The following ZNF496 variants were observed in gnomAD, a reference collection of about 807,000 sequenced individuals.
ZNF496 encodes the protein NSD1 (nuclear receptor binding SET-domain containing 1)-interacting zinc finger protein 1.
Under a neutral mutation model 58.9 loss-of-function variants are expected in ZNF496, and 11 were observed. The observed-to-expected ratio is 0.19, with a 90% confidence interval of 0.12 to 0.31. The LOEUF (loss-of-function observed/expected upper bound fraction) is 0.31, where lower values mean the gene tolerates loss of function less well. ZNF496 is among the 10% of genes least tolerant of loss of function. The pLI is 1.00. For synonymous variants in ZNF496, 338 were observed against 318.2 expected (o/e 1.06, Z -0.66); for missense variants, 660 against 783.0 (o/e 0.84, Z 1.88).
chr1:247,321,654 T>C (rs143158149), intron 6 of ZNF496, among the ~76,000 whole-genome samples: 1 of 152,208 alleles, frequency 6.6e-6, no homozygotes, highest in Non-Finnish European at 1.5e-5. Context: ...TACTGACTTA[T>C]CAAAATCTCT....
At chr1:247,325,825 C>T (rs1660102055) in intron 5 of ZNF496, among the ~76,000 whole-genome samples, 1 of 151,986 alleles carries the variant, frequency 6.6e-6, no homozygotes, top group Non-Finnish European at 1.5e-5. Flanking sequence ...TGCTTCCTCA[C>T]ACCTGCCACC....
intron 9 of ZNF496, among the ~76,000 whole-genome samples, chr1:247,305,015 T>C (rs1315566888): frequency 6.6e-6 from 1 of 152,088 alleles, no homozygotes; most frequent in Non-Finnish European, 1.5e-5. Flanking sequence ...GAGGGTGAGG[T>C]CTTACAGGGG....
chr1:247,323,774 A>AG (rs993716539), intron 5 of ZNF496, among the ~76,000 whole-genome samples: 25 of 151,668 alleles, frequency 1.6e-4, no homozygotes, highest in Middle Eastern at 3.4e-3. Context: ...AAAAGAAAAA[A>AG]AAAAAGAAGA....
intron 6 of ZNF496, among the ~76,000 whole-genome samples, chr1:247,322,058 G>C (rs1355422702): frequency 1.3e-5 from 2 of 152,184 alleles, no homozygotes; most frequent in Non-Finnish European, 1.5e-5. Context: ...GAGACAGGAG[G>C]ATCACTTGAG....
Position 247,309,428 on chromosome 1 carries a change from A to T in ZNF496, c.892+271T>A. On this transcript the variant is annotated intron_variant, in intron 8 of 9. Transcript: ENST00000682384. This position sits in a 1 kb window ranked among gnomAD's most constrained non-coding sequence, Gnocchi z 4.3. ...CTGCTGCATTGTCAGCACAAACCAG[A>T]TGTTACTTACAGGCAGAGGAGAAAG... is the stretch of plus-strand genomic sequence containing the variant. The T allele has an allele frequency of 7.7e-7, 1 of 1,296,632 alleles. No homozygotes were observed. The highest frequency in any genetic ancestry group is 9.8e-7 in the Non-Finnish European group (1 of 1,020,422). The allele number at this position is 1,296,632 out of a possible 1,614,324, so 80.3% of individuals were successfully genotyped here.
Position 247,298,003 on chromosome 1 carries a change from A to G in ZNF496, c.*2516T>C, listed in dbSNP as rs1659134473. 6.6e-6 allele frequency: 1 copy of G among 152,112 alleles called. No individual in the cohort carries two copies. The highest frequency in any genetic ancestry group is 6.6e-5 in the Admixed American group (1 of 15,262). The allele number at this position is 152,112 out of a possible 1,614,324, so 9.4% of individuals were successfully genotyped here. On this transcript the variant is annotated 3_prime_UTR_variant, in exon 10 of 10. Transcript: ENST00000682384. ...GACGTCTGAAGCAGGAAGGTGAATA[A>G]CCTTCCCAAGACCTTAGAGCTACAG...
At position 247,308,898 on chromosome 1, in the gene ZNF496, T is replaced by A. The variant is rs1771948; in HGVS notation, c.893-310A>T. ...CCATATTTATTCCCACTTTCTGTGGTGGGTTTTCTATAGTCATCACCACAG... is the reference window on the plus strand; with the variant it reads ...CCATATTTATTCCCACTTTCTGTGGAGGGTTTTCTATAGTCATCACCACAG... On this transcript the variant is annotated intron_variant, in intron 8 of 9. Transcript: ENST00000682384. The surrounding 1 kb of genome is among the most constrained non-coding windows in gnomAD (Gnocchi z 4.5). 125,585 of 360,984 alleles carry A rather than the reference T, an allele frequency of 0.35. 24,342 individuals are homozygous for A. The highest frequency in any genetic ancestry group is 0.53 in the East Asian group (7,731 of 14,550). 22.4% of individuals were successfully genotyped at this position (360,984 alleles called of 1,614,324 possible). A position where few individuals can be genotyped will look rare whatever the true frequency, so the allele number is the denominator to read the frequency against.
Position 247,298,947 on chromosome 1 carries a change from C to G in ZNF496, c.*1572G>C, listed in dbSNP as rs1430696675. 1 of 152,236 alleles carries G rather than the reference C, an allele frequency of 6.6e-6. No homozygotes were observed. Among genetic ancestry groups the G allele is most frequent in the Non-Finnish European group, 1.5e-5 (1 of 68,072 alleles). The allele number at this position is 152,236 out of a possible 1,614,324, so 9.4% of individuals were successfully genotyped here. A position where few individuals can be genotyped will look rare whatever the true frequency, so the allele number is the denominator to read the frequency against. ...AAGGCAGGGAGGAAGGGGAATTTGT[C>G]AGCGTTTACGGCTATTGAGTATGAT... On this transcript the variant is annotated 3_prime_UTR_variant, in exon 10 of 10. Coordinates refer to ENST00000682384, the MANE Select transcript of ZNF496 (RefSeq NM_032752.3).
chr1:247,328,441 A>G (rs897281774), intron 5 of ZNF496, among the ~76,000 whole-genome samples: 2 of 152,094 alleles, frequency 1.3e-5, no homozygotes, highest in African/African-American at 4.8e-5. Context: ...AGTGACACCC[A>G]CCTACAGAAG....
rs577788774 is a variant in ZNF496, at chr1:247,303,465, A to G, written c.1007-2189T>C. 9.2e-5 allele frequency among the ~76,000 whole-genome samples: 14 copies of G among 152,332 alleles called. No homozygotes were observed. In the East Asian group the frequency reaches 2.1e-3, roughly 23 times the overall value. On this transcript the variant is annotated intron_variant, in intron 9 of 9. Transcript: ENST00000682384. ...GTCGAAGTGATTTTAGAACTAGGTC[A>G]TGGGGAGAGGCCAGGAGAGTTCTGA... is the stretch of plus-strand genomic sequence containing the variant.
Position 247,300,368 on chromosome 1 carries a change from G to C in ZNF496, c.*151C>G. 2.6e-6 allele frequency: 2 copies of C among 759,886 alleles called. No individual in the cohort carries two copies. The highest frequency in any genetic ancestry group is 5.6e-5 in the East Asian group (2 of 35,776). The allele number at this position is 759,886 out of a possible 1,614,324, so 47.1% of individuals were successfully genotyped here. A position where few individuals can be genotyped will look rare whatever the true frequency, so the allele number is the denominator to read the frequency against. ...CTGGGGGAGGGAGAGTGCTCCCATG[G>C]CACCACCCGAACGCTCACTACCTGA... On this transcript the variant is annotated 3_prime_UTR_variant, in exon 10 of 10. Transcript: ENST00000682384. The surrounding 1 kb of genome is among the most constrained non-coding windows in gnomAD (Gnocchi z 5.7).
At chr1:247,327,433 GGA>G (rs1382472155) in intron 5 of ZNF496, among the ~76,000 whole-genome samples, 1 of 152,184 alleles carries the variant, frequency 6.6e-6, no homozygotes, top group African/African-American at 2.4e-5. Context: ...TACAAGCCAA[GGA>G]GAGAGGCTTC....
chr1:247,316,778 A>C (rs1659795579), intron 6 of ZNF496, among the ~76,000 whole-genome samples: 1 of 152,232 alleles, frequency 6.6e-6, no homozygotes, highest in Non-Finnish European at 1.5e-5. Context: ...AGTCACCTCC[A>C]GAATCTGACA....
At chr1:247,320,625 A>G (rs528437032) in intron 6 of ZNF496, among the ~76,000 whole-genome samples, 3 of 152,276 alleles carry the variant, frequency 2.0e-5, no homozygotes, top group South Asian at 2.1e-4. Context: ...TTTTTACTCT[A>G]TATTTTACTA....
intron 6 of ZNF496, among the ~76,000 whole-genome samples, chr1:247,322,420 A>C (rs1310533224): frequency 6.6e-6 from 1 of 152,234 alleles, no homozygotes; most frequent in Non-Finnish European, 1.5e-5. Flanking sequence ...AGGAGCAACT[A>C]AACAAAAGCA....
At chr1:247,322,804 C>A in intron 6 of ZNF496, 3 of 1,305,118 alleles carry the variant, frequency 2.3e-6, no homozygotes, top group South Asian at 2.5e-5. Flanking sequence ...TTGAAAAATT[C>A]TCTGTAAAAT....
At chr1:247,318,186 C>T (rs893679502) in intron 6 of ZNF496, among the ~76,000 whole-genome samples, 1 of 152,064 alleles carries the variant, frequency 6.6e-6, no homozygotes, top group Non-Finnish European at 1.5e-5. Flanking sequence ...ATCTGAACAA[C>T]AGAGAGAATA....
chr1:247,319,577 A>C (rs1334731052), intron 6 of ZNF496, among the ~76,000 whole-genome samples: 1 of 152,240 alleles, frequency 6.6e-6, no homozygotes, highest in African/African-American at 2.4e-5. Context: ...GTCTACATAC[A>C]TCAATCAAAA....
At position 247,308,677 on chromosome 1, in the gene ZNF496, G is replaced by A. The variant is rs1659495331; in HGVS notation, c.893-89C>T. 9 of 1,281,082 alleles carry A rather than the reference G, an allele frequency of 7.0e-6. No homozygotes were observed. Among genetic ancestry groups the A allele is most frequent in the Non-Finnish European group, 1.0e-5 (9 of 894,658 alleles). The allele number at this position is 1,281,082 out of a possible 1,614,324, so 79.4% of individuals were successfully genotyped here. On this transcript the variant is annotated intron_variant, in intron 8 of 9. Coordinates refer to ENST00000682384, the MANE Select transcript of ZNF496 (RefSeq NM_032752.3). This position sits in a 1 kb window ranked among gnomAD's most constrained non-coding sequence, Gnocchi z 4.5. Reference sequence around the variant, plus strand: ...GCTATCCGAATAGATGCCAGGCTACGATCTGGGGGCGGCCCTGGGCTCCGT... The same window carrying A: ...GCTATCCGAATAGATGCCAGGCTACAATCTGGGGGCGGCCCTGGGCTCCGT...
Sources: allele counts gnomAD v4.1 joint callset (sites outside exome capture counted in the v4.1 genomes callset), GRCh38; gene constraint gnomAD v4.1.1; non-coding constraint Gnocchi (gnomAD v3.1); transcripts MANE v1.5; gene names NCBI Gene and HGNC (gene_info 2026-07-23, HGNC 2026-07-21).